CDK19: variants seen among roughly 807,000 people sequenced by gnomAD.
CDK19 encodes cyclin dependent kinase 19.
Under a neutral mutation model 68.3 loss-of-function variants are expected in CDK19, and 20 were observed. That is an observed-to-expected ratio of 0.29 (90% CI 0.21 to 0.43). The LOEUF (loss-of-function observed/expected upper bound fraction) is 0.43. CDK19 is among the 20% of genes least tolerant of loss of function. The pLI is 1.00. For missense variants in CDK19, 339 were observed against 623.5 expected (o/e 0.54, Z 4.86); for synonymous variants, 221 against 222.8 (o/e 0.99, Z 0.07).
At chr6:110,659,876 C>T (rs1781512411) in intron 4 of CDK19, among the ~76,000 whole-genome samples, 1 of 152,208 alleles carries the variant, frequency 6.6e-6, no homozygotes, top group Non-Finnish European at 1.5e-5. Flanking sequence ...CTAGATCTTA[C>T]CATCCATGTA....
At chr6:110,735,847 C>T (rs1777211046) in intron 2 of CDK19, among the ~76,000 whole-genome samples, 1 of 152,172 alleles carries the variant, frequency 6.6e-6, no homozygotes, top group Non-Finnish European at 1.5e-5. Context: ...TTTTTGACAT[C>T]CTTGGAAAGA....
At position 110,771,262 on chromosome 6, in the gene CDK19, G is replaced by A. The variant is rs114580767; in HGVS notation, c.129-25061C>T. 5.0e-3 allele frequency among the ~76,000 whole-genome samples: 761 copies of A among 152,334 alleles called. 8 individuals carry two copies. Among genetic ancestry groups the A allele is most frequent in the African/African-American group, 0.017 (717 of 41,568 alleles). On this transcript the variant is annotated intron_variant, in intron 1 of 12. Transcript: ENST00000368911. Reference sequence around the variant, plus strand: ...CAGCAAACTTTTGCCTCAGCATCCAGCATTTCCATACATCTTCTGAAATCT... The same window carrying A: ...CAGCAAACTTTTGCCTCAGCATCCAACATTTCCATACATCTTCTGAAATCT...
intron 1 of CDK19, among the ~76,000 whole-genome samples, chr6:110,781,605 G>A (rs1241731014): frequency 2.6e-5 from 4 of 152,132 alleles, no homozygotes; most frequent in South Asian, 2.1e-4. Context: ...CACTTTGGGA[G>A]GCCAACACAG....
chr6:110,741,895 G>T (rs1410475910), intron 2 of CDK19, among the ~76,000 whole-genome samples: 2 of 152,144 alleles, frequency 1.3e-5, no homozygotes, highest in African/African-American at 4.8e-5. Context: ...AGAATACATT[G>T]CTGGTATACC....
chr6:110,621,756 T>A lies in CDK19; in HGVS notation c.1110+332A>T, dbSNP rs1778732526. 6.6e-6 allele frequency among the ~76,000 whole-genome samples: 1 copy of A among 152,166 alleles called. No homozygotes were observed. On this transcript the variant is annotated intron_variant, in intron 11 of 12. Coordinates refer to ENST00000368911, the MANE Select transcript of CDK19 (RefSeq NM_015076.5). This position sits in a 1 kb window ranked among gnomAD's most constrained non-coding sequence, Gnocchi z 5.4. ...CTGGAGAGTGAGCCAATATATCCAG[T>A]TAAGACGAAAGAACAGAGTGATGCT... is the stretch of plus-strand genomic sequence containing the variant.
At chr6:110,666,894 T>C (rs1407060004) in intron 4 of CDK19, among the ~76,000 whole-genome samples, 2 of 152,136 alleles carry the variant, frequency 1.3e-5, no homozygotes, top group African/African-American at 4.8e-5. Context: ...TAAATAATGG[T>C]TACATGTATA....
chr6:110,662,959 G>T (rs563392792), intron 4 of CDK19, among the ~76,000 whole-genome samples: 73 of 151,900 alleles, frequency 4.8e-4, no homozygotes, highest in Non-Finnish European at 9.4e-4. Context: ...TCTAGGATTC[G>T]AATGACATAA....
At chr6:110,772,874 T>C (rs375689806) in intron 1 of CDK19, among the ~76,000 whole-genome samples, 1 of 135,288 alleles carries the variant, frequency 7.4e-6, no homozygotes, top group Non-Finnish European at 1.6e-5. Context: ...GGCTGGGAAA[T>C]AGTGAGTCCC....
intron 4 of CDK19, among the ~76,000 whole-genome samples, chr6:110,648,628 C>A (rs1385063594): frequency 2.0e-5 from 3 of 150,480 alleles, no homozygotes; most frequent in African/African-American, 7.4e-5. Context: ...ACAACCTCTG[C>A]CTTCCAGGTT....
At chr6:110,618,458 C>T (rs1778489446) in intron 12 of CDK19, among the ~76,000 whole-genome samples, 1 of 152,226 alleles carries the variant, frequency 6.6e-6, no homozygotes, top group Admixed American at 6.5e-5. Flanking sequence ...TATACCCACA[C>T]TCCCCTTTCT....
At chr6:110,647,143 C>T (rs893491914) in intron 4 of CDK19, among the ~76,000 whole-genome samples, 2 of 152,156 alleles carry the variant, frequency 1.3e-5, no homozygotes, top group African/African-American at 4.8e-5. Context: ...AGGGAACAAC[C>T]GCCTCCTGGT....
Position 110,650,212 on chromosome 6 carries a change from T to C in CDK19, c.457-11506A>G, listed in dbSNP as rs546866782. ...AAAGAATATACTGTTTAGACATTTA[T>C]AAAAATGTGATAAATCTATCTTTAA... On this transcript the variant is annotated intron_variant, in intron 4 of 12. Coordinates refer to ENST00000368911, the MANE Select transcript of CDK19 (RefSeq NM_015076.5). 2.6e-5 allele frequency among the ~76,000 whole-genome samples: 4 copies of C among 152,310 alleles called. No individual in the cohort carries two copies. In the East Asian group the frequency reaches 5.8e-4, roughly 22 times the overall value.
At chr6:110,750,791 A>G (rs764434455) in intron 1 of CDK19, among the ~76,000 whole-genome samples, 2 of 152,178 alleles carry the variant, frequency 1.3e-5, no homozygotes, top group African/African-American at 2.4e-5. Flanking sequence ...TGCCCAGGAA[A>G]GAACTGGAGG....
intron 2 of CDK19, among the ~76,000 whole-genome samples, chr6:110,720,354 T>G (rs1775768509): frequency 6.6e-6 from 1 of 152,136 alleles, no homozygotes; most frequent in South Asian, 2.1e-4. Flanking sequence ...AAGCAATGAT[T>G]CATAGTGGCT....
intron 2 of CDK19, among the ~76,000 whole-genome samples, chr6:110,731,147 GA>G (rs1311382830): frequency 1.3e-5 from 2 of 151,850 alleles, no homozygotes; most frequent in Non-Finnish European, 2.9e-5. Context: ...AAAAAGAAAA[GA>G]AAAGAAAAGA....
At chr6:110,630,763 A>C (rs759835518) in intron 6 of CDK19, among the ~76,000 whole-genome samples, 2 of 152,210 alleles carry the variant, frequency 1.3e-5, no homozygotes, top group Non-Finnish European at 2.9e-5. Flanking sequence ...ACTGTCAAAC[A>C]CATACCAGTT....
At chr6:110,778,379 A>G (rs1780561993) in intron 1 of CDK19, among the ~76,000 whole-genome samples, 1 of 152,202 alleles carries the variant, frequency 6.6e-6, no homozygotes, top group Non-Finnish European at 1.5e-5. Flanking sequence ...TAATTTTACT[A>G]AAAGTTTAAT....
chr6:110,673,043 C>T (rs966253908), intron 2 of CDK19, among the ~76,000 whole-genome samples: 1 of 151,968 alleles, frequency 6.6e-6, no homozygotes, highest in Non-Finnish European at 1.5e-5. Context: ...CTGTGTATTT[C>T]CAGAACTTTT....
Position 110,613,986 on chromosome 6 carries a change from G to A in CDK19, c.*549C>T, listed in dbSNP as rs1224285647. The A allele has an allele frequency of 6.6e-6, 1 of 152,562 alleles. No homozygotes were observed. Among genetic ancestry groups the A allele is most frequent in the Non-Finnish European group, 1.5e-5 (1 of 68,028 alleles). 9.5% of individuals were successfully genotyped at this position (152,562 alleles called of 1,614,324 possible). ...ACCTTCCCTGAAACTAGATAAATAC[G>A]AACGTAATAGTAAAGTACTTTGGGA... On this transcript the variant is annotated 3_prime_UTR_variant, in exon 13 of 13. Transcript: ENST00000368911.
Sources: allele counts gnomAD v4.1 joint callset (sites outside exome capture counted in the v4.1 genomes callset), GRCh38; gene constraint gnomAD v4.1.1; non-coding constraint Gnocchi (gnomAD v3.1); transcripts MANE v1.5; gene names NCBI Gene and HGNC (gene_info 2026-07-23, HGNC 2026-07-21).